ZNF578: variants seen among roughly 807,000 people sequenced by gnomAD.
ZNF578 encodes the protein Putative chemokine-related protein B42.
In ZNF578, 8 loss-of-function variants were observed where a neutral mutation model predicts 8.3. That is an observed-to-expected ratio of 0.96 (90% CI 0.56 to 1.74). The LOEUF is 1.74. Ranked by LOEUF, ZNF578 falls within the 40% of genes most tolerant of loss-of-function variation. ZNF578 has a pLI of 0.00. For synonymous variants in ZNF578, 206 were observed against 232.2 expected, an observed-to-expected ratio of 0.89 and a Z score of 1.03; for missense variants, 726 against 707.5, an observed-to-expected ratio of 1.03 and a Z score of -0.30.
At chr19:52,494,290 T>C (rs111640862) in intron 3 of ZNF578, among the ~76,000 whole-genome samples, 30,859 of 151,482 alleles carry the variant, frequency 0.2, 3,262 homozygotes, top group Non-Finnish European at 0.22. Context: ...AGTTCAAGAC[T>C]AGCCTAGGCA....
At chr19:52,478,724 T>G (rs2059315711) in intron 2 of ZNF578, among the ~76,000 whole-genome samples, 2 of 152,092 alleles carry the variant, frequency 1.3e-5, no homozygotes, top group East Asian at 3.9e-4. Flanking sequence ...ATTTTTTATT[T>G]ATTTTTTGAG....
intron 2 of ZNF578, chr19:52,474,599 A>G: frequency 3.1e-6 from 1 of 323,054 alleles, no homozygotes; most frequent in South Asian, 3.0e-5. Context: ...CATGCAAGGT[A>G]TGAATTATTC....
At position 52,511,547 on chromosome 19, in the gene ZNF578, A is replaced by G; in HGVS notation, c.1166A>G (p.His389Arg). The change falls in exon 6 of 6, where the codon CAT (histidine) becomes CGT (arginine). Residue 389 changes from histidine (H) to arginine (R), a missense_variant. Coordinates refer to ENST00000421239, the MANE Select transcript of ZNF578 (RefSeq NM_001099694.2). ...GGTCAAAATTCAACCCTTGTAATTCATAAGGCAATTCATACTGGAGAGAAA... is the reference window on the plus strand; with the variant it reads ...GGTCAAAATTCAACCCTTGTAATTCGTAAGGCAATTCATACTGGAGAGAAA... The part of the protein sequence containing the change: ...MFGQNSTLVI[H>R]KAIHTGEKPY... The G allele has an allele frequency of 6.2e-7, 1 of 1,613,816 alleles. No homozygotes were observed. The highest frequency in any genetic ancestry group is 1.1e-5 in the South Asian group (1 of 91,084).
intron 3 of ZNF578, among the ~76,000 whole-genome samples, chr19:52,494,896 A>G (rs1018356930): frequency 2.0e-5 from 3 of 152,182 alleles, no homozygotes; most frequent in African/African-American, 7.2e-5. Context: ...CAATGGTGTT[A>G]TCTACTCTAA....
rs73934544 is a variant in ZNF578 at position 52,515,675 on chromosome 19, C to T, written c.*3521C>T. Among the ~76,000 whole-genome samples, 20,311 of 151,550 alleles carry T rather than the reference C, an allele frequency of 0.13. 1,654 individuals carry two copies. Among genetic ancestry groups the T allele is most frequent in the African/African-American group, 0.24 (9,900 of 41,290 alleles). On this transcript the variant is annotated 3_prime_UTR_variant, in exon 6 of 6. Transcript: ENST00000421239. The stretch of plus-strand genomic sequence containing the variant: ...GGGGCTTGACCAGAAAAGGTCAACC[C>T]GAGTGTCCCTGACCGTTGAAATGAT...
chr19:52,499,549 G>A (rs1008212086), intron 3 of ZNF578, among the ~76,000 whole-genome samples: 2 of 152,146 alleles, frequency 1.3e-5, no homozygotes, highest in African/African-American at 4.8e-5. Flanking sequence ...GTGTACTTCC[G>A]AAAACTTAGC....
At position 52,515,243 on chromosome 19, in the gene ZNF578, C is replaced by T. The variant is rs1470532827; in HGVS notation, c.*3089C>T. Among the ~76,000 whole-genome samples the T allele has an allele frequency of 3.9e-5, 6 of 152,094 alleles. No homozygotes were observed. The highest frequency in any genetic ancestry group is 7.4e-5 in the Non-Finnish European group (5 of 68,010). Reference sequence around the variant, plus strand: ...CCTCCCAAAATGCTAGGATTACAAGCGTGAGCCATTGTGCCTGACCACTCA... The same window carrying T: ...CCTCCCAAAATGCTAGGATTACAAGTGTGAGCCATTGTGCCTGACCACTCA... On this transcript the variant is annotated 3_prime_UTR_variant, in exon 6 of 6. Transcript: ENST00000421239.
Position 52,501,817 on chromosome 19 carries a change from C to T in ZNF578, c.-19-10C>T, listed in dbSNP as rs1426600970. ...TCTAACCTGAAGTCTTATTTTTCTT[C>T]CACATACAGGATTGATTTCTAAAGA... is the stretch of plus-strand genomic sequence containing the variant. On this transcript the variant is annotated splice_polypyrimidine_tract_variant and intron_variant, in intron 3 of 5. Transcript: ENST00000421239. 1 of 1,609,302 alleles carries T rather than the reference C, an allele frequency of 6.2e-7. No homozygotes were observed. The highest frequency in any genetic ancestry group is 8.5e-7 in the Non-Finnish European group (1 of 1,178,376).
chr19:52,494,818 TG>T (rs2059379985), intron 3 of ZNF578, among the ~76,000 whole-genome samples: 1 of 152,138 alleles, frequency 6.6e-6, no homozygotes. Flanking sequence ...TCTGTTATTA[TG>T]TAATACTTTT....
intron 2 of ZNF578, among the ~76,000 whole-genome samples, chr19:52,459,580 G>A (rs2059249508): frequency 6.8e-6 from 1 of 147,350 alleles, no homozygotes; most frequent in Non-Finnish European, 1.5e-5. Context: ...ATATCTCTTT[G>A]AGGGCCTGCT....
chr19:52,483,443 TA>T (rs1373409094), intron 2 of ZNF578, among the ~76,000 whole-genome samples: 1 of 152,064 alleles, frequency 6.6e-6, no homozygotes, highest in Non-Finnish European at 1.5e-5. Flanking sequence ...ATAATAAAAA[TA>T]AAAGCACGAG....
intron 2 of ZNF578, among the ~76,000 whole-genome samples, chr19:52,467,613 G>A (rs324116): frequency 0.95 from 144,539 of 151,750 alleles, 69,109 homozygotes; most frequent in African/African-American, 0.98. Context: ...TGAGACCCCA[G>A]CTCTTAAAAA....
At chr19:52,474,724 G>A (rs529269659) in intron 2 of ZNF578, 350 of 225,868 alleles carry the variant, frequency 1.5e-3, no homozygotes, top group Non-Finnish European at 2.4e-3. Context: ...TTTTACATTT[G>A]TAAGGTTCTC....
At position 52,511,867 on chromosome 19, in the gene ZNF578, T is replaced by C; in HGVS notation, c.1486T>C (p.Ser496Pro). Reference sequence around the variant, plus strand: ...GTGTCACAAGACCTTCAGTCACAGGTCATCTCTTCCATGCCATCGTAGACT... The same window carrying C: ...GTGTCACAAGACCTTCAGTCACAGGCCATCTCTTCCATGCCATCGTAGACT... Reference protein sequence around the residue: ...NECHKTFSHRSSLPCHRRLHS... With the variant: ...NECHKTFSHRPSLPCHRRLHS... The change falls in exon 6 of 6, where the codon TCA (serine) becomes CCA (proline). Residue 496 changes from serine to proline, a missense_variant. Physicochemically the swap from Ser to Pro is moderately conservative, Grantham distance 74. Transcript: ENST00000421239. 1 of 1,613,422 alleles carries C rather than the reference T, an allele frequency of 6.2e-7. No individual in the cohort carries two copies. The highest frequency in any genetic ancestry group is 1.3e-5 in the African/African-American group (1 of 74,784).
chr19:52,453,763 G>A (rs770172503), intron 1 of ZNF578, 156 bp downstream of exon 1: 1 of 152,278 alleles, frequency 6.6e-6, no homozygotes, highest in Non-Finnish European at 1.5e-5. Flanking sequence ...AAATCGCTTG[G>A]AGGCTGCTGG....
At chr19:52,459,717 G>GTGTA (rs201576049) in intron 2 of ZNF578, among the ~76,000 whole-genome samples, 10 of 5,898 alleles carry the variant, frequency 1.7e-3, no homozygotes, top group African/African-American at 4.2e-3. Context: ...GTAGATATGT[G>GTGTA]TGTGTGTGTG....
chr19:52,470,372 A>G (rs2059288265), intron 2 of ZNF578, among the ~76,000 whole-genome samples: 1 of 152,202 alleles, frequency 6.6e-6, no homozygotes, highest in Non-Finnish European at 1.5e-5. Flanking sequence ...GCTGAGGCAT[A>G]ATTATGACAT....
intron 2 of ZNF578, among the ~76,000 whole-genome samples, chr19:52,479,932 C>T (rs866884836): frequency 6.1e-5 from 9 of 146,428 alleles, no homozygotes; most frequent in East Asian, 4.4e-4. Context: ...TATTTATTGA[C>T]GCAGTCTCGC....
intron 5 of ZNF578, among the ~76,000 whole-genome samples, chr19:52,505,371 T>G (rs931674036): frequency 1.3e-5 from 2 of 152,180 alleles, no homozygotes; most frequent in African/African-American, 2.4e-5. Flanking sequence ...TCTTGTTCAT[T>G]TCACATTTTT....
Sources: allele counts gnomAD v4.1 joint callset (sites outside exome capture counted in the v4.1 genomes callset), GRCh38; gene constraint gnomAD v4.1.1; transcripts MANE v1.5; gene names NCBI Gene and HGNC (gene_info 2026-07-23, HGNC 2026-07-21).